Variants in DPP10 observed in about 807,000 individuals in gnomAD.
DPP10 encodes inactive dipeptidyl peptidase 10.
A neutral mutation model predicts 120.9 loss-of-function variants in DPP10; 33 were observed. The ratio of observed to expected loss-of-function variants is 0.27; its 90% CI spans 0.21 to 0.37. The LOEUF is 0.37. Among genes scored for constraint, DPP10 ranks in the 10% least tolerant of loss-of-function variants. The probability of loss-of-function intolerance (pLI) is 1.00; values close to 1 mark genes in which losing one functional copy is unlikely to be tolerated. For synonymous variants in DPP10, 337 were observed against 326.1 expected, an observed-to-expected ratio of 1.03 and a Z score of -0.36; for missense variants, 816 against 942.8, an observed-to-expected ratio of 0.87 and a Z score of 1.76.
chr2:115,198,954 A>G (rs191731499), intron 1 of DPP10, among the ~76,000 whole-genome samples: 1 of 152,260 alleles, frequency 6.6e-6, no homozygotes, highest in African/African-American at 2.4e-5. Context: ...GAAACATTAA[A>G]TGGAACCAAA....
At chr2:114,770,229 A>T (rs1416156912) in intron 1 of DPP10, among the ~76,000 whole-genome samples, 5 of 152,114 alleles carry the variant, frequency 3.3e-5, no homozygotes. Context: ...CGGAAGAGGG[A>T]TCAGGGTTCT....
At chr2:114,694,144 C>T (rs1166513666) in intron 1 of DPP10, among the ~76,000 whole-genome samples, 2 of 151,882 alleles carry the variant, frequency 1.3e-5, no homozygotes, top group African/African-American at 2.4e-5. Flanking sequence ...AATTACCTTT[C>T]TTTGAACTTA....
chr2:115,733,129 A>G (rs1157536498), intron 8 of DPP10, among the ~76,000 whole-genome samples: 1 of 152,190 alleles, frequency 6.6e-6, no homozygotes, highest in East Asian at 1.9e-4. Flanking sequence ...GTGCGGAAAA[A>G]TTCACGAGAT....
At chr2:115,076,257 T>C (rs985436717) in intron 1 of DPP10, among the ~76,000 whole-genome samples, 7 of 151,964 alleles carry the variant, frequency 4.6e-5, no homozygotes, top group African/African-American at 1.7e-4. Flanking sequence ...CTTCAGTTTA[T>C]TTTTTAAGGA....
intron 1 of DPP10, among the ~76,000 whole-genome samples, chr2:115,302,237 C>G (rs1266864880): frequency 4.6e-5 from 7 of 151,966 alleles, no homozygotes; most frequent in African/African-American, 1.7e-4. Flanking sequence ...CAGGCCCCTT[C>G]TCCAGTTGAT....
chr2:114,863,233 A>G (rs943958935), intron 1 of DPP10, among the ~76,000 whole-genome samples: 2 of 152,234 alleles, frequency 1.3e-5, no homozygotes, highest in Non-Finnish European at 2.9e-5. Flanking sequence ...TTCATGGGTA[A>G]ATAGCAGGGA....
At chr2:115,097,315 T>C (rs2048451155) in intron 1 of DPP10, among the ~76,000 whole-genome samples, 1 of 152,174 alleles carries the variant, frequency 6.6e-6, no homozygotes, top group Admixed American at 6.5e-5. Context: ...ATTTTAAAAA[T>C]ACAGAGACTC....
intron 1 of DPP10, among the ~76,000 whole-genome samples, chr2:114,457,874 G>A (rs983268568): frequency 2.6e-5 from 4 of 152,152 alleles, no homozygotes; most frequent in African/African-American, 9.7e-5. Context: ...AGGATGGTTA[G>A]TGTTCCTTTT....
intron 5 of DPP10, among the ~76,000 whole-genome samples, chr2:115,598,386 T>C (rs1200066112): frequency 1.3e-5 from 2 of 151,996 alleles, no homozygotes; most frequent in Non-Finnish European, 2.9e-5. Context: ...GCCTTCTTCT[T>C]AATTACTTGA....
intron 3 of DPP10, among the ~76,000 whole-genome samples, chr2:115,492,904 G>A (rs1298040678): frequency 6.6e-6 from 1 of 152,070 alleles, no homozygotes; most frequent in East Asian, 1.9e-4. Context: ...TACTTTAAAG[G>A]TGTTGGGAAT....
chr2:115,409,970 C>A (rs1343986678), intron 3 of DPP10, among the ~76,000 whole-genome samples: 1 of 152,160 alleles, frequency 6.6e-6, no homozygotes, highest in Non-Finnish European at 1.5e-5. Flanking sequence ...TATGAGGATA[C>A]AAAGGCATAA....
In DPP10 at chr2:115,011,687, C is replaced by T. The variant is rs147946312; in HGVS notation, c.61-297552C>T. Among the ~76,000 whole-genome samples, 895 of 152,228 alleles carry T rather than the reference C, an allele frequency of 5.9e-3. 12 individuals are homozygous for T. Among genetic ancestry groups the T allele is most frequent in the African/African-American group, 0.02 (847 of 41,550 alleles). On this transcript the variant is annotated intron_variant, in intron 1 of 25. Transcript: ENST00000410059. ...GAGACAGGACTAGCCTTGTAGCTCA[C>T]GCTTGGAGGAACAGAGCAGGATGTG...
At position 115,377,379 on chromosome 2, in the gene DPP10, A is replaced by G. The variant is rs893436379; in HGVS notation, c.271+33467A>G. Among the ~76,000 whole-genome samples, 246 of 151,864 alleles carry G rather than the reference A, an allele frequency of 1.6e-3. 1 individual carries two copies. Among genetic ancestry groups the G allele is most frequent in the African/African-American group, 4.9e-3 (203 of 41,418 alleles). Reference sequence around the variant, plus strand: ...TGAGAAGTGTCTGTTCATGTCCTTCACCCACTTTTTGATGGGGTTGTTTGT... The same window carrying G: ...TGAGAAGTGTCTGTTCATGTCCTTCGCCCACTTTTTGATGGGGTTGTTTGT... On this transcript the variant is annotated intron_variant, in intron 3 of 25. Coordinates refer to ENST00000410059, the MANE Select transcript of DPP10 (RefSeq NM_020868.6).
At chr2:114,788,120 T>G (rs2106223716) in intron 1 of DPP10, among the ~76,000 whole-genome samples, 1 of 152,302 alleles carries the variant, frequency 6.6e-6, no homozygotes, top group South Asian at 2.1e-4. Flanking sequence ...TGAGTGCATT[T>G]TAATGATGTG....
At chr2:115,796,567 T>C (rs1049201796) in intron 19 of DPP10, among the ~76,000 whole-genome samples, 2 of 152,148 alleles carry the variant, frequency 1.3e-5, no homozygotes, top group African/African-American at 4.8e-5. Flanking sequence ...TCCATTTCTC[T>C]GCAATTTAGT....
chr2:115,330,570 C>CT (rs1241999504), intron 2 of DPP10, among the ~76,000 whole-genome samples: 1 of 152,056 alleles, frequency 6.6e-6, no homozygotes, highest in East Asian at 1.9e-4. Flanking sequence ...GGTTTTAACT[C>CT]TAACATTTAA....
At chr2:115,352,782 G>T (rs1006607921) in intron 3 of DPP10, among the ~76,000 whole-genome samples, 26 of 152,180 alleles carry the variant, frequency 1.7e-4, no homozygotes, top group Middle Eastern at 3.4e-3. Context: ...CTGAAGAGTT[G>T]CAAGAAATAC....
intron 1 of DPP10, among the ~76,000 whole-genome samples, chr2:115,204,217 C>A (rs533697051): frequency 1.3e-5 from 2 of 152,206 alleles, no homozygotes; most frequent in South Asian, 4.1e-4. Context: ...TCTTAAAAGG[C>A]TAAGTGACCG....
At chr2:114,858,932 AGTC>A (rs1244281580) in intron 1 of DPP10, among the ~76,000 whole-genome samples, 8 of 152,268 alleles carry the variant, frequency 5.3e-5, no homozygotes, top group African/African-American at 1.7e-4. Context: ...CCCCACATGG[AGTC>A]TATCTGCATA....
Sources: gnomAD v4.1 joint callset for allele counts (sites outside exome capture counted in the v4.1 genomes callset) on GRCh38, gnomAD v4.1.1 for gene constraint, MANE v1.5 for transcripts, NCBI Gene and HGNC (gene_info 2026-07-23, HGNC 2026-07-21) for gene names.